Variants in LMBR1 observed in about 807,000 individuals in gnomAD.
The protein encoded by LMBR1 is limb region 1 protein homolog.
LMBR1 carries 52 observed loss-of-function variants against 73.9 expected under a neutral mutation model. The ratio of observed to expected loss-of-function variants is 0.70; its 90% CI spans 0.56 to 0.89. The LOEUF is 0.89. Among genes scored for constraint, LMBR1 ranks in the 40% least tolerant of loss-of-function variants. The pLI, the probability that LMBR1 is intolerant of heterozygous loss-of-function variation, is 0.00. For missense variants in LMBR1, 539 were observed against 579.8 expected, an observed-to-expected ratio of 0.93 and a Z score of 0.72; for synonymous variants, 215 against 209.4, an observed-to-expected ratio of 1.03 and a Z score of -0.23.
intron 9 of LMBR1, among the ~76,000 whole-genome samples, chr7:156,737,932 T>C (rs908889786): frequency 1.3e-4 from 20 of 152,272 alleles, no homozygotes; most frequent in African/African-American, 4.8e-4. Context: ...GATGACCAAA[T>C]AGAAGCCTCT....
chr7:156,789,434 T>C (rs1327146464), intron 5 of LMBR1, among the ~76,000 whole-genome samples: 1 of 152,218 alleles, frequency 6.6e-6, no homozygotes, highest in East Asian at 1.9e-4. Flanking sequence ...CAGGCTAAAA[T>C]ATTACCTAAC....
intron 1 of LMBR1, among the ~76,000 whole-genome samples, chr7:156,845,817 T>C (rs1381259665): frequency 6.6e-6 from 1 of 152,106 alleles, no homozygotes. Context: ...CCCAATTCAA[T>C]TTATTCTTCT....
intron 1 of LMBR1, among the ~76,000 whole-genome samples, chr7:156,881,573 A>AT (rs1250189629): frequency 6.6e-6 from 1 of 152,220 alleles, no homozygotes; most frequent in Non-Finnish European, 1.5e-5. Flanking sequence ...TACAAACTGT[A>AT]TATCTGAAAA....
chr7:156,870,173 A>G (rs929042099), intron 1 of LMBR1, among the ~76,000 whole-genome samples: 6 of 152,214 alleles, frequency 3.9e-5, no homozygotes, highest in African/African-American at 1.4e-4. Flanking sequence ...GAAGATCAAT[A>G]AGAAAACAGA....
At chr7:156,732,540 C>A (rs1483196120) in intron 10 of LMBR1, among the ~76,000 whole-genome samples, 2 of 152,136 alleles carry the variant, frequency 1.3e-5, no homozygotes, top group Admixed American at 6.6e-5. Flanking sequence ...AGTATATCGG[C>A]TCAGGCATGT....
intron 5 of LMBR1, chr7:156,779,830 A>C (rs1826803866): frequency 2.3e-6 from 1 of 439,194 alleles, no homozygotes; most frequent in Admixed American, 2.8e-5. Context: ...AATAAATATC[A>C]AGCTATTGTT....
intron 5 of LMBR1, among the ~76,000 whole-genome samples, chr7:156,793,157 CAATAAAGCAACGAAGTTAATTCT>C: frequency 6.6e-6 from 1 of 152,250 alleles, no homozygotes; most frequent in South Asian, 2.1e-4. Context: ...ACATTAATTT[CAATAAAGCAACGAAGTTAATTCT>C]AATAAGCACT....
intron 1 of LMBR1, among the ~76,000 whole-genome samples, chr7:156,884,012 A>T (rs1801505371): frequency 2.0e-5 from 3 of 152,190 alleles, no homozygotes; most frequent in African/African-American, 4.8e-5. Flanking sequence ...AGCTGATTTA[A>T]CCCAGTTTAG....
intron 9 of LMBR1, among the ~76,000 whole-genome samples, chr7:156,742,161 G>C (rs1202860674): frequency 1.3e-5 from 2 of 152,012 alleles, no homozygotes; most frequent in African/African-American, 4.8e-5. Context: ...TAAGAGGGAA[G>C]TTTATAGCTA....
intron 15 of LMBR1, among the ~76,000 whole-genome samples, chr7:156,716,063 AC>A (rs1813139776): frequency 1.3e-5 from 2 of 152,228 alleles, no homozygotes; most frequent in South Asian, 4.1e-4. Flanking sequence ...ATACTTATTA[AC>A]TAGATGCTGT....
intron 9 of LMBR1, among the ~76,000 whole-genome samples, chr7:156,748,481 C>G (rs779437927): frequency 1.3e-5 from 2 of 152,026 alleles, no homozygotes; most frequent in Admixed American, 6.6e-5. Context: ...TTCTACTACA[C>G]AAATTTGGAT....
chr7:156,762,273 T>C, intron 7 of LMBR1, 75 bp from the exon 8 acceptor site: 5 of 864,734 alleles, frequency 5.8e-6, no homozygotes, highest in Non-Finnish European at 7.7e-6. Flanking sequence ...AACTAGACTG[T>C]AAAAATAAGG....
intron 4 of LMBR1, among the ~76,000 whole-genome samples, chr7:156,797,278 T>C (rs187655155): frequency 6.6e-6 from 1 of 152,160 alleles, no homozygotes; most frequent in South Asian, 2.1e-4. Context: ...GGTATGTCAT[T>C]GGGAGGGTAT....
rs1563114741 is a variant in LMBR1, at chr7:156,679,988, GATCA to G, written c.*4086_*4089del. 6.6e-6 allele frequency: 1 copy of G among 152,142 alleles called. No homozygotes were observed. Among genetic ancestry groups the G allele is most frequent in the African/African-American group, 2.4e-5 (1 of 41,416 alleles). 9.4% of individuals were successfully genotyped at this position (152,142 alleles called of 1,614,324 possible). On this transcript the variant is annotated 3_prime_UTR_variant, in exon 17 of 17. Transcript: ENST00000353442. ...GCCTAATATTCCTTCAAGACATATG[GATCA>G]ATCACCAAGTTTTGAAATTTTGTAT...
intron 4 of LMBR1, among the ~76,000 whole-genome samples, chr7:156,808,661 T>C (rs1180644459): frequency 6.6e-6 from 1 of 152,208 alleles, no homozygotes; most frequent in Non-Finnish European, 1.5e-5. Context: ...TTCTTCTATG[T>C]TCCCACAGAT....
chr7:156,854,906 C>T (rs531810593), intron 1 of LMBR1, among the ~76,000 whole-genome samples: 1 of 152,316 alleles, frequency 6.6e-6, no homozygotes, highest in East Asian at 1.9e-4. Context: ...AAATTATACC[C>T]TCTGAAACCT....
chr7:156,854,221 G>A (rs1228400538), intron 1 of LMBR1, among the ~76,000 whole-genome samples: 2 of 152,176 alleles, frequency 1.3e-5, no homozygotes, highest in Non-Finnish European at 2.9e-5. Flanking sequence ...AAAAAGTGGA[G>A]AGACAAAAGC....
chr7:156,841,212 A>G (rs900231003), intron 1 of LMBR1, among the ~76,000 whole-genome samples: 6 of 152,058 alleles, frequency 3.9e-5, no homozygotes, highest in South Asian at 4.1e-4. Flanking sequence ...AGGACTCAGG[A>G]AAGATTAGAA....
intron 10 of LMBR1, among the ~76,000 whole-genome samples, chr7:156,732,612 A>G (rs768943548): frequency 2.6e-5 from 4 of 152,214 alleles, no homozygotes; most frequent in Non-Finnish European, 5.9e-5. Flanking sequence ...ACAGCACTCA[A>G]CAATCACAAA....
Sources: allele counts gnomAD v4.1 joint callset (sites outside exome capture counted in the v4.1 genomes callset), GRCh38; gene constraint gnomAD v4.1.1; transcripts MANE v1.5; gene names NCBI Gene and HGNC (gene_info 2026-07-23, HGNC 2026-07-21).